ASIC2: variants seen among roughly 807,000 people sequenced by gnomAD.
The protein encoded by ASIC2 is acid sensing ion channel subunit 2, also known as acid-sensing ion channel 2.
A neutral mutation model predicts 57.3 loss-of-function variants in ASIC2; 25 were observed. The observed-to-expected ratio is 0.44, with a 90% CI of 0.32 to 0.61. The LOEUF is 0.61. Ranked by LOEUF, ASIC2 falls within the 20% of genes least tolerant of loss-of-function variation. The probability of loss-of-function intolerance (pLI) is 0.06; values close to 1 mark genes in which losing one functional copy is unlikely to be tolerated. For synonymous variants in ASIC2, 319 were observed against 307.5 expected (o/e 1.04, Z -0.39); for missense variants, 641 against 738.1 (o/e 0.87, Z 1.52).
intron 1 of ASIC2, among the ~76,000 whole-genome samples, chr17:33,388,091 G>GCAAAA (rs1491527742): frequency 1.0e-5 from 1 of 97,334 alleles, no homozygotes; most frequent in African/African-American, 3.7e-5. Flanking sequence ...AAAAAACAAA[G>GCAAAA]CAAAGCAAAA....
intron 1 of ASIC2, among the ~76,000 whole-genome samples, chr17:33,899,172 T>C (rs1297635470): frequency 6.7e-6 from 1 of 149,444 alleles, no homozygotes; most frequent in African/African-American, 2.5e-5. Flanking sequence ...CAAGAGAAGT[T>C]GTAAAAAAGT....
At chr17:33,475,883 A>G (rs1054630162) in intron 1 of ASIC2, among the ~76,000 whole-genome samples, 64 of 152,304 alleles carry the variant, frequency 4.2e-4, no homozygotes, top group African/African-American at 1.5e-3. Flanking sequence ...GCCGCTGCCC[A>G]TAAACACTGG....
At chr17:33,579,057 G>C (rs111753124) in intron 1 of ASIC2, among the ~76,000 whole-genome samples, 2,787 of 152,098 alleles carry the variant, frequency 0.018, 80 homozygotes, top group African/African-American at 0.061. Flanking sequence ...AGGTCGAAGC[G>C]GGTGGATCAC....
At chr17:33,589,801 T>C (rs1904768904) in intron 1 of ASIC2, among the ~76,000 whole-genome samples, 1 of 152,212 alleles carries the variant, frequency 6.6e-6, no homozygotes, top group South Asian at 2.1e-4. Context: ...GTTTCTACCC[T>C]TTGGCTACTA....
At chr17:33,575,944 A>G (rs1916607189) in intron 1 of ASIC2, among the ~76,000 whole-genome samples, 2 of 152,186 alleles carry the variant, frequency 1.3e-5, no homozygotes, top group Non-Finnish European at 2.9e-5. Flanking sequence ...TTAGTTGTTA[A>G]CACATGAAAA....
intron 1 of ASIC2, among the ~76,000 whole-genome samples, chr17:34,040,351 C>G (rs1908078308): frequency 6.9e-6 from 1 of 144,472 alleles, no homozygotes; most frequent in Non-Finnish European, 1.5e-5. Flanking sequence ...TGTAAACACA[C>G]TAGTGAAACC....
intron 1 of ASIC2, among the ~76,000 whole-genome samples, chr17:33,746,391 TAG>T (rs1173919781): frequency 6.7e-6 from 1 of 148,804 alleles, no homozygotes; most frequent in African/African-American, 2.5e-5. Context: ...TCTACATATA[TAG>T]GTAGATACAT....
At chr17:33,223,014 A>G (rs1312989936) in intron 1 of ASIC2, among the ~76,000 whole-genome samples, 1 of 152,156 alleles carries the variant, frequency 6.6e-6, no homozygotes, top group Non-Finnish European at 1.5e-5. Context: ...AGCCGGGTTC[A>G]TACTAGGAAA....
At chr17:33,897,885 T>C (rs1385245463) in intron 1 of ASIC2, among the ~76,000 whole-genome samples, 1 of 152,086 alleles carries the variant, frequency 6.6e-6, no homozygotes, top group African/African-American at 2.4e-5. Flanking sequence ...TGGAAGTGGA[T>C]TTACACCAGA....
At chr17:33,064,996 A>C (rs957778051) in intron 3 of ASIC2, among the ~76,000 whole-genome samples, 7 of 152,190 alleles carry the variant, frequency 4.6e-5, no homozygotes, top group Admixed American at 4.6e-4. Flanking sequence ...CTTGAATTAG[A>C]GCCCAGTCAC....
intron 1 of ASIC2, among the ~76,000 whole-genome samples, chr17:33,963,307 C>G (rs747940281): frequency 6.6e-6 from 1 of 152,176 alleles, no homozygotes; most frequent in Non-Finnish European, 1.5e-5. Context: ...CATTGTCTTG[C>G]CTCCTGAAGA....
intron 1 of ASIC2, among the ~76,000 whole-genome samples, chr17:34,030,561 G>A (rs572114236): frequency 5.8e-4 from 88 of 152,314 alleles, no homozygotes; most frequent in African/African-American, 1.8e-3. Flanking sequence ...GCGAGGCATC[G>A]CCTCACCTGG....
chr17:34,037,994 A>G (rs1405815257), intron 1 of ASIC2: 4 of 1,613,524 alleles, frequency 2.5e-6, no homozygotes, highest in Non-Finnish European at 2.5e-6. Flanking sequence ...CCCAACCACA[A>G]AACACTCTGG....
rs1026539249 is a variant in ASIC2, at chr17:33,580,980, C to T, written c.556-468913G>A. ...AAATGTCCCCATCCTCAAGATCACA[C>T]CTCTAATCTCTAGGATCTTTGAATA... is the stretch of plus-strand genomic sequence containing the variant. On this transcript the variant is annotated intron_variant, in intron 1 of 9. Transcript: ENST00000359872. Among the ~76,000 whole-genome samples the T allele has an allele frequency of 5.3e-5, 8 of 152,302 alleles. No homozygotes were observed. The East Asian group carries it at 1.5e-3, about 29-fold the overall frequency.
At chr17:33,411,770 G>A (rs8076691) in intron 1 of ASIC2, among the ~76,000 whole-genome samples, 1 of 152,190 alleles carries the variant, frequency 6.6e-6, no homozygotes, top group Non-Finnish European at 1.5e-5. Flanking sequence ...GTGACTGAGC[G>A]AGGTATCTTT....
At chr17:33,288,114 T>C (rs1266573033) in intron 1 of ASIC2, among the ~76,000 whole-genome samples, 1 of 152,008 alleles carries the variant, frequency 6.6e-6, no homozygotes, top group Middle Eastern at 3.2e-3. Flanking sequence ...CCTACTCTGG[T>C]CTGGAGGGGG....
At chr17:33,180,393 G>A (rs1029921037) in intron 1 of ASIC2, among the ~76,000 whole-genome samples, 1 of 152,206 alleles carries the variant, frequency 6.6e-6, no homozygotes, top group Non-Finnish European at 1.5e-5. Flanking sequence ...ATGGAAGCAG[G>A]AGGAGCGCCT....
intron 3 of ASIC2, among the ~76,000 whole-genome samples, chr17:33,047,329 A>G (rs1484656958): frequency 6.6e-6 from 1 of 151,208 alleles, no homozygotes; most frequent in East Asian, 1.9e-4. Context: ...TACTTTACAG[A>G]TCCCTCCCCC....
intron 1 of ASIC2, among the ~76,000 whole-genome samples, chr17:33,247,646 A>C (rs1488851562): frequency 6.6e-6 from 1 of 152,244 alleles, no homozygotes; most frequent in Non-Finnish European, 1.5e-5. Context: ...CCAGGAGGCC[A>C]GTAGAGAACT....
Sources: gnomAD v4.1 joint callset for allele counts (sites outside exome capture counted in the v4.1 genomes callset) on GRCh38, gnomAD v4.1.1 for gene constraint, MANE v1.5 for transcripts, NCBI Gene and HGNC (gene_info 2026-07-23, HGNC 2026-07-21) for gene names.